CDHR3: variants seen among roughly 807,000 people sequenced by gnomAD.
The protein encoded by CDHR3 is cadherin related family member 3, also known as cadherin-related family member 3.
In CDHR3, 79 loss-of-function variants were observed where a neutral mutation model predicts 86.6. The observed-to-expected ratio is 0.91, with a 90% CI of 0.76 to 1.10. The LOEUF is 1.10. CDHR3 is among the 50% of genes least tolerant of loss of function. The pLI, the probability that CDHR3 is intolerant of heterozygous loss-of-function variation, is 0.00. For missense variants in CDHR3, 1,081 were observed against 1,077.6 expected (o/e 1.00, Z -0.04); for synonymous variants, 421 against 402.4 (o/e 1.05, Z -0.55).
intron 1 of CDHR3, among the ~76,000 whole-genome samples, chr7:105,974,165 T>A (rs566466588): frequency 6.6e-6 from 1 of 152,316 alleles, no homozygotes; most frequent in Non-Finnish European, 1.5e-5. Context: ...TCTATTAAAT[T>A]GTAAAATTCC....
intron 6 of CDHR3, 150 bp from the exon 7 acceptor site, chr7:106,001,312 C>A (rs979167837): frequency 8.1e-6 from 6 of 739,362 alleles, no homozygotes; most frequent in Non-Finnish European, 1.3e-5. Context: ...AGCCACCCCT[C>A]CTTTCCACTG....
intron 16 of CDHR3, among the ~76,000 whole-genome samples, chr7:106,028,116 T>TTAAAATAAAATAAAA (rs59804877): frequency 1.3e-3 from 158 of 120,282 alleles, no homozygotes; most frequent in Middle Eastern, 0.011. Flanking sequence ...AGACCCTGTC[T>TTAAAATAAAATAAAA]TAAAATAAAA....
At chr7:106,017,407 A>G (rs1347888730) in intron 11 of CDHR3, among the ~76,000 whole-genome samples, 1 of 152,062 alleles carries the variant, frequency 6.6e-6, no homozygotes, top group African/African-American at 2.4e-5. Flanking sequence ...AAATACAAAA[A>G]GATTAGCCAG....
Position 106,018,059 on chromosome 7 carries a change from C to A in CDHR3, c.1640C>A (p.Thr547Lys). 1 of 1,613,588 alleles carries A rather than the reference C, an allele frequency of 6.2e-7. No individual in the cohort carries two copies. Among genetic ancestry groups the A allele is most frequent in the Non-Finnish European group, 8.5e-7 (1 of 1,179,690 alleles). Reference sequence around the variant, plus strand: ...ATCCAGGCCACCAACAACGAAGACACAAGCTCTGTCACTGTGAGTGGTGCT... The same window carrying A: ...ATCCAGGCCACCAACAACGAAGACAAAAGCTCTGTCACTGTGAGTGGTGCT... ...LRIQATNNEDTSSVTVTVNIL... is the reference protein window; with the variant it reads ...LRIQATNNEDKSSVTVTVNIL... The change falls in exon 12 of 19, where the codon ACA becomes AAA. Residue 547 changes from threonine to lysine, a missense_variant. Thr to Lys is a moderately conservative substitution (Grantham distance 78). Transcript: ENST00000317716.
chr7:105,997,559 A>C (rs778806121), intron 6 of CDHR3, among the ~76,000 whole-genome samples: 1 of 152,076 alleles, frequency 6.6e-6, no homozygotes, highest in African/African-American at 2.4e-5. Flanking sequence ...GCCCGGACTC[A>C]GGCTCAGGTA....
intron 13 of CDHR3, 66 bp downstream of exon 13, chr7:106,020,610 G>A: frequency 6.5e-7 from 1 of 1,537,198 alleles, no homozygotes; most frequent in Non-Finnish European, 8.8e-7. Context: ...CTAGGGTAGG[G>A]GTCTGTGCTC....
intron 5 of CDHR3, among the ~76,000 whole-genome samples, chr7:105,995,724 T>C (rs953763032): frequency 2.0e-5 from 3 of 152,142 alleles, no homozygotes; most frequent in Non-Finnish European, 4.4e-5. Flanking sequence ...TTTTCTAAGA[T>C]GTAGTCATTA....
At chr7:106,015,858 A>G in intron 10 of CDHR3, 69 bp from the exon 11 acceptor site, 1 of 1,146,884 alleles carries the variant, frequency 8.7e-7, no homozygotes, top group South Asian at 1.3e-5. Context: ...GAGATTCTTT[A>G]AAGATGTTGA....
chr7:105,989,976 C>T (rs1831119339), intron 4 of CDHR3, among the ~76,000 whole-genome samples: 1 of 152,176 alleles, frequency 6.6e-6, no homozygotes, highest in Non-Finnish European at 1.5e-5. Flanking sequence ...ATTCTTCATT[C>T]TACTCCAGGT....
intron 4 of CDHR3, among the ~76,000 whole-genome samples, chr7:105,991,414 G>A (rs758763532): frequency 2.6e-5 from 4 of 152,012 alleles, no homozygotes; most frequent in Non-Finnish European, 5.9e-5. Flanking sequence ...AAGATTCCAG[G>A]AAATCATCCT....
chr7:105,974,920 G>T lies in CDHR3; in HGVS notation c.123G>T (p.Val41=). 1 of 1,613,930 alleles carries T rather than the reference G, an allele frequency of 6.2e-7. No homozygotes were observed. The highest frequency in any genetic ancestry group is 2.2e-5 in the East Asian group (1 of 44,890). ...AGAATTCTCCACCTGGGACTTCAGT[G>T]CACAAGTTTTCTGTGAAGTTATCAG... The part of the protein sequence containing the change: ...VAENSPPGTS[V]HKFSVKLSAS... The change falls in exon 2 of 19, where the codon GTG becomes GTT. Residue 41 remains valine, a synonymous_variant. Transcript: ENST00000317716.
chr7:105,985,157 G>A lies in CDHR3; in HGVS notation c.513+868G>A, dbSNP rs970593608. Among the ~76,000 whole-genome samples the A allele has an allele frequency of 5.3e-5, 8 of 152,192 alleles. 1 individual carries two copies. The highest frequency in any genetic ancestry group is 2.6e-4 in the Admixed American group (4 of 15,284). ...GCCTCATGATTCAGTCTGAGACAGC[G>A]GATGTCTCTTCTCTCCCTTCTTAAT... On this transcript the variant is annotated intron_variant, in intron 4 of 18. Coordinates refer to ENST00000317716, the MANE Select transcript of CDHR3 (RefSeq NM_152750.5).
intron 1 of CDHR3, among the ~76,000 whole-genome samples, chr7:105,967,785 C>T (rs1019919915): frequency 3.3e-5 from 5 of 152,190 alleles, no homozygotes; most frequent in Admixed American, 6.5e-5. Flanking sequence ...ATCCTTCACC[C>T]ACTTTTTGAT....
Position 106,017,988 on chromosome 7 carries a change from G to A in CDHR3, c.1569G>A (p.Leu523=). The A allele has an allele frequency of 1.2e-6, 2 of 1,613,890 alleles. No homozygotes were observed. The highest frequency in any genetic ancestry group is 2.2e-5 in the South Asian group (2 of 91,070). The change falls in exon 12 of 19, where the codon CTG becomes CTA. Residue 523 remains leucine, a synonymous_variant. Transcript: ENST00000317716. The part of the protein sequence containing the change: ...WINPKTGELQ[L]VTKVDCETTP... ...ATCCCAAGACAGGAGAACTCCAGCT[G>A]GTAACTAAAGTGGACTGTGAAACAA...
At chr7:106,009,603 T>C (rs1281539184) in intron 8 of CDHR3, among the ~76,000 whole-genome samples, 28 of 152,184 alleles carry the variant, frequency 1.8e-4, no homozygotes, top group Non-Finnish European at 1.5e-5. Context: ...GCGCGGCTGC[T>C]GGAGGCGGTG....
chr7:106,032,752 C>A lies in CDHR3; in HGVS notation c.*55C>A. 6.6e-7 allele frequency: 1 copy of A among 1,521,478 alleles called. No individual in the cohort carries two copies. The highest frequency in any genetic ancestry group is 8.9e-7 in the Non-Finnish European group (1 of 1,126,914). 94.2% of individuals were successfully genotyped at this position (1,521,478 alleles called of 1,614,324 possible). On this transcript the variant is annotated 3_prime_UTR_variant, in exon 19 of 19. Coordinates refer to ENST00000317716, the MANE Select transcript of CDHR3 (RefSeq NM_152750.5). The stretch of plus-strand genomic sequence containing the variant: ...CTGAGATGCTGCCTCACCCTAAATT[C>A]TATGGGGATGGTGTGGGCATGGTGT...
intron 3 of CDHR3, among the ~76,000 whole-genome samples, chr7:105,983,910 C>T (rs925533802): frequency 6.6e-6 from 1 of 152,122 alleles, no homozygotes; most frequent in Non-Finnish European, 1.5e-5. Context: ...CCTCCTTCTT[C>T]CCCCACCTCA....
At chr7:106,028,898 C>T (rs1206595538) in intron 17 of CDHR3, among the ~76,000 whole-genome samples, 1 of 150,368 alleles carries the variant, frequency 6.7e-6, no homozygotes, top group African/African-American at 2.5e-5. Flanking sequence ...AGTGCTTCAG[C>T]CTCCAGTGAG....
intron 14 of CDHR3, among the ~76,000 whole-genome samples, chr7:106,023,334 G>T (rs947391878): frequency 6.6e-6 from 1 of 152,224 alleles, no homozygotes; most frequent in Non-Finnish European, 1.5e-5. Context: ...CTGATCTAGA[G>T]GGGGAGATAG....
Sources: gnomAD v4.1 joint callset for allele counts (sites outside exome capture counted in the v4.1 genomes callset) on GRCh38, gnomAD v4.1.1 for gene constraint, MANE v1.5 for transcripts, NCBI Gene and HGNC (gene_info 2026-07-23, HGNC 2026-07-21) for gene names.